Variants in PRDM15 observed in about 807,000 individuals in gnomAD.
PRDM15 encodes the protein PR/SET domain 15.
PRDM15 carries 64 observed loss-of-function variants against 128.6 expected under a neutral mutation model. That is an observed-to-expected ratio of 0.50 (90% CI 0.41 to 0.61). The LOEUF is 0.61. Ranked by LOEUF, PRDM15 falls within the 20% of genes least tolerant of loss-of-function variation. The pLI is 0.00. For synonymous variants in PRDM15, 615 were observed against 621.8 expected, an observed-to-expected ratio of 0.99 and a Z score of 0.16; for missense variants, 1,242 against 1,569.1, an observed-to-expected ratio of 0.79 and a Z score of 3.52.
rs768310148 is a variant in PRDM15 at position 41,859,193 on chromosome 21, G to A, written c.131+399C>T. On this transcript the variant is annotated intron_variant, in intron 3 of 23. Coordinates refer to ENST00000398548, the MANE Select transcript of PRDM15 (RefSeq NM_001040424.3). This position sits in a 1 kb window ranked among gnomAD's most constrained non-coding sequence, Gnocchi z 5.3. Reference sequence around the variant, plus strand: ...CTCATAACCCCGCATCCCCTGCCCCGCCTGGGTGTGCACGTGTCCGCTGGC... The same window carrying A: ...CTCATAACCCCGCATCCCCTGCCCCACCTGGGTGTGCACGTGTCCGCTGGC... 5.6e-6 allele frequency: 9 copies of A among 1,613,936 alleles called. No homozygotes were observed. The highest frequency in any genetic ancestry group is 1.1e-5 in the South Asian group (1 of 91,068).
chr21:41,878,665 A>G (rs774238171), intron 1 of PRDM15: 2 of 1,457,840 alleles, frequency 1.4e-6, no homozygotes, highest in South Asian at 2.4e-5. Context: ...TACGAAAATA[A>G]GGCGCAGGGG....
chr21:41,878,070 G>A lies in PRDM15; in HGVS notation c.-10+1200C>T, dbSNP rs938123454. ...CCGGGGTGGGATCACCACCCTTATC[G>A]AGTGTTGACATCATTGCATTCTCCA... On this transcript the variant is annotated intron_variant, in intron 1 of 23. Coordinates refer to ENST00000398548, the MANE Select transcript of PRDM15 (RefSeq NM_001040424.3). Among the ~76,000 whole-genome samples, 5 of 152,342 alleles carry A rather than the reference G, an allele frequency of 3.3e-5. 1 individual carries two copies. Among genetic ancestry groups the A allele is most frequent in the Non-Finnish European group, 4.4e-5 (3 of 68,022 alleles).
chr21:41,816,089 G>A (rs758404073), intron 18 of PRDM15, among the ~76,000 whole-genome samples: 16 of 152,264 alleles, frequency 1.1e-4, no homozygotes, highest in Non-Finnish European at 2.2e-4. Flanking sequence ...CCCTGACCAC[G>A]CGAGCAACGC....
chr21:41,803,629 C>T (rs1001968073), intron 22 of PRDM15, among the ~76,000 whole-genome samples: 2 of 152,234 alleles, frequency 1.3e-5, no homozygotes, highest in Non-Finnish European at 2.9e-5. Context: ...TGGGCCTACA[C>T]CGCTGTCATG....
At position 41,804,519 on chromosome 21, in the gene PRDM15, C is replaced by T; in HGVS notation, c.2733+15G>A. On this transcript the variant is annotated intron_variant, in intron 22 of 23. Transcript: ENST00000398548. ...CCCCAAAGTTTCTGAGCCCCTGGGG[C>T]CCCATGCTGCTCACCTGGACGATGC... The T allele has an allele frequency of 6.4e-7, 1 of 1,555,536 alleles. No individual in the cohort carries two copies.
At chr21:41,820,752 G>A (rs1248464165) in intron 16 of PRDM15, among the ~76,000 whole-genome samples, 1 of 152,246 alleles carries the variant, frequency 6.6e-6, no homozygotes, top group Non-Finnish European at 1.5e-5. Flanking sequence ...GATGTGGCCT[G>A]GCATTAATGA....
At chr21:41,835,991 C>CA in intron 10 of PRDM15, 122 bp downstream of exon 10, 2 of 434,908 alleles carry the variant, frequency 4.6e-6, no homozygotes, top group Non-Finnish European at 9.2e-6. Flanking sequence ...CCCTCCCCCA[C>CA]AGCCCCCGCC....
At chr21:41,803,118 AT>A in intron 22 of PRDM15, 197 bp from the exon 23 acceptor site, 2 of 593,876 alleles carry the variant, frequency 3.4e-6, no homozygotes, top group Non-Finnish European at 3.0e-6. Flanking sequence ...TTAGTTGCAG[AT>A]TTAAAAAAAA....
intron 1 of PRDM15, among the ~76,000 whole-genome samples, chr21:41,864,230 T>C (rs1569012623): frequency 6.6e-6 from 1 of 152,200 alleles, no homozygotes; most frequent in Non-Finnish European, 1.5e-5. Context: ...CAGGAACAAC[T>C]GGGCATCCAC....
At chr21:41,839,235 G>C (rs568667758) in intron 7 of PRDM15, among the ~76,000 whole-genome samples, 4 of 152,302 alleles carry the variant, frequency 2.6e-5, no homozygotes, top group Non-Finnish European at 4.4e-5. Context: ...GGCGGGTCTC[G>C]AGGCTGTAAG....
rs1174809117 is a variant in PRDM15 at position 41,879,004 on chromosome 21, C to A, written c.-10+266G>T. ...GCCCGCGGCGGCGGGACCCGGCGGG[C>A]GGGCGGCGCGCAGGGCGATCCCGGA... On this transcript the variant is annotated intron_variant, in intron 1 of 23. Coordinates refer to ENST00000398548, the MANE Select transcript of PRDM15 (RefSeq NM_001040424.3). This position sits in a 1 kb window ranked among gnomAD's most constrained non-coding sequence, Gnocchi z 5.1. 2.0e-6 allele frequency: 2 copies of A among 1,011,598 alleles called. No homozygotes were observed. Among genetic ancestry groups the A allele is most frequent in the South Asian group, 3.7e-5 (1 of 26,970 alleles). The allele number at this position is 1,011,598 out of a possible 1,614,324, so 62.7% of individuals were successfully genotyped here. A position where few individuals can be genotyped will look rare whatever the true frequency, so the allele number is the denominator to read the frequency against.
At position 41,800,405 on chromosome 21, in the gene PRDM15, G is replaced by A. The variant is rs143093038; in HGVS notation, c.*835C>T. The A allele has an allele frequency of 3.8e-3, 584 of 152,456 alleles. 8 individuals are homozygous for A. The highest frequency in any genetic ancestry group is 4.8e-3 in the Non-Finnish European group (324 of 68,002). The allele number at this position is 152,456 out of a possible 1,614,324, so 9.4% of individuals were successfully genotyped here. Reference sequence around the variant, plus strand: ...CTGTGAAGGGTGGACAGGGACAGATGGTCCTACAGTGCACATGACTTTATC... The same window carrying A: ...CTGTGAAGGGTGGACAGGGACAGATAGTCCTACAGTGCACATGACTTTATC... On this transcript the variant is annotated 3_prime_UTR_variant, in exon 24 of 24. Transcript: ENST00000398548.
In PRDM15 at chr21:41,859,586, A is replaced by G. The variant is rs1316488346; in HGVS notation, c.131+6T>C. 1.2e-6 allele frequency: 2 copies of G among 1,612,830 alleles called. No homozygotes were observed. On this transcript the variant is annotated splice_donor_region_variant and intron_variant, in intron 3 of 23. Transcript: ENST00000398548. The surrounding 1 kb of genome is among the most constrained non-coding windows in gnomAD (Gnocchi z 5.3). ...GAAGGCCCGGGAGCTCACGGCGGTC[A>G]CTCACCTTGCCCTGCTTAACACAAA... is the stretch of plus-strand genomic sequence containing the variant.
chr21:41,813,482 G>A, intron 19 of PRDM15: 1 of 152,764 alleles, frequency 6.5e-6, no homozygotes, highest in Non-Finnish European at 1.5e-5. Context: ...GGGGAGCAGG[G>A]GAGGAAGGTA....
At position 41,836,754 on chromosome 21, in the gene PRDM15, G is replaced by C. The variant is rs778095095; in HGVS notation, c.1002-105C>G. On this transcript the variant is annotated intron_variant, in intron 8 of 23. Transcript: ENST00000398548. ...CTTCCAAAACTTCCCAGCTAATCCC[G>C]AGCCTGTATGCGAGAAAGGAGGGAA... 4.3e-6 allele frequency: 4 copies of C among 932,190 alleles called. No individual in the cohort carries two copies. The African/African-American group carries it at 6.6e-5, about 15-fold the overall frequency. 57.7% of individuals were successfully genotyped at this position (932,190 alleles called of 1,614,324 possible).
At chr21:41,871,416 C>T in intron 1 of PRDM15, 1 of 1,145,892 alleles carries the variant, frequency 8.7e-7, no homozygotes, top group Non-Finnish European at 1.1e-6. Context: ...CCCTCTTAAG[C>T]AGCAGCTGCC....
intron 11 of PRDM15, among the ~76,000 whole-genome samples, chr21:41,831,814 C>T (rs73219059): frequency 0.037 from 5,659 of 152,254 alleles, 267 homozygotes; most frequent in East Asian, 0.25. Context: ...TGGCCCTGTG[C>T]GAGGCTTCTC....
At chr21:41,834,734 C>T (rs2839389) in intron 11 of PRDM15, among the ~76,000 whole-genome samples, 87,112 of 151,998 alleles carry the variant, frequency 0.57, 25,327 homozygotes, top group Admixed American at 0.66. Flanking sequence ...CGTCCTCGGG[C>T]CACGTGGAGA....
chr21:41,804,481 A>T, intron 22 of PRDM15, 53 bp downstream of exon 22: 1 of 1,356,922 alleles, frequency 7.4e-7, no homozygotes, highest in Non-Finnish European at 1.0e-6. Context: ...TCCCTTCTGC[A>T]GGTGTCCACT....
Sources: gnomAD v4.1 joint callset for allele counts (sites outside exome capture counted in the v4.1 genomes callset) on GRCh38, gnomAD v4.1.1 for gene constraint, Gnocchi (gnomAD v3.1) non-coding constraint, MANE v1.5 for transcripts, NCBI Gene and HGNC (gene_info 2026-07-23, HGNC 2026-07-21) for gene names.